The following SAMD13 variants were observed in gnomAD, a reference collection of about 807,000 sequenced individuals.
The protein encoded by SAMD13 is sterile alpha motif domain containing 13.
In SAMD13, 9 loss-of-function variants were observed where a neutral mutation model predicts 12.4. The observed-to-expected ratio is 0.72, with a 90% CI of 0.44 to 1.26. The LOEUF is 1.26. Ranked by LOEUF, SAMD13 falls within the 50% of genes most tolerant of loss-of-function variation. The probability of loss-of-function intolerance (pLI) is 0.00; values close to 1 mark genes in which losing one functional copy is unlikely to be tolerated. For synonymous variants in SAMD13, 46 were observed against 45.4 expected (o/e 1.01, Z -0.05); for missense variants, 84 against 119.6 (o/e 0.70, Z 1.39).
intron 2 of SAMD13, among the ~76,000 whole-genome samples, chr1:84,307,686 C>T (rs1002869298): frequency 6.6e-6 from 1 of 152,112 alleles, no homozygotes; most frequent in Non-Finnish European, 1.5e-5. Flanking sequence ...GCTATTAAGT[C>T]ACTAGAAATA....
At chr1:84,340,322 G>A (rs1159640368) in intron 3 of SAMD13, among the ~76,000 whole-genome samples, 2 of 152,194 alleles carry the variant, frequency 1.3e-5, no homozygotes, top group African/African-American at 2.4e-5. Flanking sequence ...AAATAAGCCA[G>A]ACAAATATTG....
At position 84,350,747 on chromosome 1, in the gene SAMD13, C is replaced by T. The variant is rs1019684958; in HGVS notation, c.*973C>T. 6 of 152,512 alleles carry T rather than the reference C, an allele frequency of 3.9e-5. No homozygotes were observed. The highest frequency in any genetic ancestry group is 7.2e-5 in the African/African-American group (3 of 41,400). 9.4% of individuals were successfully genotyped at this position (152,512 alleles called of 1,614,324 possible). A position where few individuals can be genotyped will look rare whatever the true frequency, so the allele number is the denominator to read the frequency against. On this transcript the variant is annotated 3_prime_UTR_variant, in exon 4 of 4. Transcript: ENST00000394834. ...CATTTGTTCAATCTCTGTGTGTCAACGCCTTGTTGAATTGGTGCTTTGTGG... is the reference window on the plus strand; with the variant it reads ...CATTTGTTCAATCTCTGTGTGTCAATGCCTTGTTGAATTGGTGCTTTGTGG...
chr1:84,303,604 G>T, intron 2 of SAMD13: 1 of 196,504 alleles, frequency 5.1e-6, no homozygotes. Context: ...CTCTTCCATA[G>T]ACAACACAGA....
At chr1:84,321,638 C>T (rs192043635) in intron 2 of SAMD13, among the ~76,000 whole-genome samples, 128 of 152,188 alleles carry the variant, frequency 8.4e-4, no homozygotes, top group Middle Eastern at 3.4e-3. Context: ...GAGAATGGAC[C>T]ATTTATAAGG....
At chr1:84,349,511 A>G in intron 3 of SAMD13, 120 bp from the exon 4 acceptor site, 1 of 1,481,190 alleles carries the variant, frequency 6.8e-7, no homozygotes. Context: ...ACTACTACAA[A>G]TGTAATGTTT....
Position 84,349,885 on chromosome 1 carries a change from C to A in SAMD13, c.*111C>A. ...ATACATGTGTATATGTAAAGAATTT[C>A]AATCAAATGAAACGTTATCCTATTG... On this transcript the variant is annotated 3_prime_UTR_variant, in exon 4 of 4. Transcript: ENST00000394834. The A allele has an allele frequency of 6.9e-7, 1 of 1,454,680 alleles. No individual in the cohort carries two copies. Among genetic ancestry groups the A allele is most frequent in the Non-Finnish European group, 9.0e-7 (1 of 1,105,452 alleles). The allele number at this position is 1,454,680 out of a possible 1,614,324, so 90.1% of individuals were successfully genotyped here.
intron 2 of SAMD13, among the ~76,000 whole-genome samples, chr1:84,314,710 T>C (rs1038815034): frequency 3.3e-5 from 5 of 152,160 alleles, no homozygotes; most frequent in Non-Finnish European, 7.4e-5. Context: ...GTGATCATGA[T>C]GGTAAGATGT....
chr1:84,348,237 T>TA (rs1284091983), intron 3 of SAMD13, among the ~76,000 whole-genome samples: 1 of 152,166 alleles, frequency 6.6e-6, no homozygotes, highest in Non-Finnish European at 1.5e-5. Context: ...GGGACTTGCC[T>TA]AAGGTCACAA....
At chr1:84,298,862 C>G (rs1355471890), upstream of SAMD13, among the ~76,000 whole-genome samples, 1 of 152,088 alleles carries the variant, frequency 6.6e-6, no homozygotes, top group Non-Finnish European at 1.5e-5. Context: ...GCGGGGACCC[C>G]GAGAACGCCA....
At chr1:84,335,432 C>A (rs1008280638) in intron 3 of SAMD13, among the ~76,000 whole-genome samples, 1 of 151,962 alleles carries the variant, frequency 6.6e-6, no homozygotes, top group Non-Finnish European at 1.5e-5. Flanking sequence ...TGAGCCTGTG[C>A]GTGTCATTAC....
At chr1:84,344,357 C>G (rs1226786413) in intron 3 of SAMD13, among the ~76,000 whole-genome samples, 2 of 152,050 alleles carry the variant, frequency 1.3e-5, no homozygotes, top group African/African-American at 4.8e-5. Context: ...GTATATTATC[C>G]ACTCTAAATT....
chr1:84,314,989 CCTCT>C (rs948764396), intron 2 of SAMD13, among the ~76,000 whole-genome samples: 2 of 149,618 alleles, frequency 1.3e-5, no homozygotes, highest in South Asian at 4.3e-4. Context: ...TCCCTCCCTC[CCTCT>C]CTCTCTTTCT....
intron 3 of SAMD13, among the ~76,000 whole-genome samples, chr1:84,346,219 A>G (rs1679531554): frequency 1.3e-5 from 2 of 152,356 alleles, no homozygotes; most frequent in East Asian, 3.9e-4. Flanking sequence ...TCTAAAGCAC[A>G]TGCTTAGCTA....
intron 2 of SAMD13, among the ~76,000 whole-genome samples, chr1:84,317,522 G>A (rs1678861348): frequency 6.6e-6 from 1 of 151,836 alleles, no homozygotes; most frequent in East Asian, 1.9e-4. Context: ...ATTTTCATAT[G>A]TTGAACCGTC....
At chr1:84,299,657 G>GTATAAA, upstream of SAMD13, 1 of 676,744 alleles carries the variant, frequency 1.5e-6, no homozygotes, top group Middle Eastern at 3.5e-4. Context: ...GAGTACTAGT[G>GTATAAA]TATATATATA....
intron 2 of SAMD13, among the ~76,000 whole-genome samples, chr1:84,309,975 G>C (rs1331723974): frequency 6.6e-6 from 1 of 151,974 alleles, no homozygotes; most frequent in Non-Finnish European, 1.5e-5. Context: ...TTTGCAGAAG[G>C]GTTTGGTATT....
intron 3 of SAMD13, among the ~76,000 whole-genome samples, chr1:84,336,269 G>A (rs1219114068): frequency 6.6e-6 from 1 of 151,424 alleles, no homozygotes; most frequent in Non-Finnish European, 1.5e-5. Flanking sequence ...CTTTATTTTT[G>A]TCTGACTGAG....
chr1:84,347,266 CTA>C (rs1179467282), intron 3 of SAMD13, among the ~76,000 whole-genome samples: 3 of 152,142 alleles, frequency 2.0e-5, no homozygotes, highest in Non-Finnish European at 4.4e-5. Context: ...TATGAATTAA[CTA>C]TATTTATTTC....
At chr1:84,303,969 T>G (rs930676973) in intron 2 of SAMD13, 1 of 152,156 alleles carries the variant, frequency 6.6e-6, no homozygotes, top group African/African-American at 2.4e-5. Flanking sequence ...AGCAAAGCAA[T>G]AAGTACTTTG....
Sources: gnomAD v4.1 joint callset for allele counts (sites outside exome capture counted in the v4.1 genomes callset) on GRCh38, gnomAD v4.1.1 for gene constraint, MANE v1.5 for transcripts, NCBI Gene and HGNC (gene_info 2026-07-23, HGNC 2026-07-21) for gene names.